The following CCDC192 variants were observed in gnomAD, a reference collection of about 807,000 sequenced individuals.
CCDC192 encodes coiled-coil domain-containing protein 192.
chr5:127,931,309 A>G (rs922969237), intron 6 of CCDC192, among the ~76,000 whole-genome samples: 1 of 152,086 alleles, frequency 6.6e-6, no homozygotes, highest in African/African-American at 2.4e-5. Flanking sequence ...ACCCCTGAAC[A>G]CTCATCATTT....
At chr5:127,832,732 C>T (rs1749858545) in intron 5 of CCDC192, among the ~76,000 whole-genome samples, 1 of 152,074 alleles carries the variant, frequency 6.6e-6, no homozygotes, top group South Asian at 2.1e-4. Context: ...AAGAGCTGAA[C>T]CAAATCACCA....
At chr5:127,913,010 C>A (rs968693210) in intron 6 of CCDC192, among the ~76,000 whole-genome samples, 1 of 152,170 alleles carries the variant, frequency 6.6e-6, no homozygotes, top group Admixed American at 6.5e-5. Context: ...TGACAGCTAG[C>A]TGTATTGTTT....
intron 3 of CCDC192, among the ~76,000 whole-genome samples, chr5:127,792,028 A>G (rs1230549038): frequency 1.3e-5 from 2 of 152,182 alleles, no homozygotes; most frequent in Non-Finnish European, 1.5e-5. Flanking sequence ...GGAACCAAGT[A>G]GTGCTGGGTG....
At chr5:127,854,647 A>G (rs1328015892) in intron 5 of CCDC192, among the ~76,000 whole-genome samples, 1 of 152,156 alleles carries the variant, frequency 6.6e-6, no homozygotes, top group African/African-American at 2.4e-5. Context: ...GACCTCCTTG[A>G]CTGAGCACCA....
intron 5 of CCDC192, among the ~76,000 whole-genome samples, chr5:127,837,969 C>T (rs1394599890): frequency 6.6e-6 from 1 of 152,152 alleles, no homozygotes; most frequent in Non-Finnish European, 1.5e-5. Flanking sequence ...GCACTCCAGC[C>T]TGGTGATAGA....
At chr5:127,784,804 C>T in intron 3 of CCDC192, 1 of 480,534 alleles carries the variant, frequency 2.1e-6, no homozygotes. Flanking sequence ...TCATGATGGC[C>T]ATCTGAATCA....
At chr5:127,832,416 A>C (rs1749841230) in intron 5 of CCDC192, among the ~76,000 whole-genome samples, 1 of 152,214 alleles carries the variant, frequency 6.6e-6, no homozygotes, top group African/African-American at 2.4e-5. Flanking sequence ...CCTGCACCAG[A>C]AGAATCGCTG....
chr5:127,781,747 T>C (rs548227508), intron 3 of CCDC192, among the ~76,000 whole-genome samples: 3 of 152,252 alleles, frequency 2.0e-5, no homozygotes, highest in South Asian at 2.1e-4. Context: ...GAGGTGTCTT[T>C]AGGGTTTTCA....
intron 6 of CCDC192, among the ~76,000 whole-genome samples, chr5:127,897,129 C>G (rs955457900): frequency 1.3e-5 from 2 of 151,236 alleles, no homozygotes; most frequent in African/African-American, 2.4e-5. Context: ...ACCAGACAAG[C>G]AAAATAAATA....
intron 5 of CCDC192, among the ~76,000 whole-genome samples, chr5:127,845,730 T>A (rs576650260): frequency 7.3e-4 from 111 of 152,130 alleles, no homozygotes; most frequent in Middle Eastern, 6.8e-3. Flanking sequence ...GAATGCAATT[T>A]TAAAAAAAAA....
rs1210585530 is a variant in CCDC192 at position 127,925,497 on chromosome 5, T to C, written c.536-15685T>C. ...CTGCCAAGTTAGCTTAGCAGACACA[T>C]CCCTGTCCCTCAGCCCATCCTTGAG... On this transcript the variant is annotated intron_variant, in intron 6 of 6. Transcript: ENST00000514853. Among the ~76,000 whole-genome samples, 6 of 152,328 alleles carry C rather than the reference T, an allele frequency of 3.9e-5. No homozygotes were observed. The East Asian group carries it at 7.7e-4, about 20-fold the overall frequency.
chr5:127,794,727 A>C (rs1048976137), intron 3 of CCDC192, among the ~76,000 whole-genome samples: 7 of 152,198 alleles, frequency 4.6e-5, no homozygotes, highest in African/African-American at 1.7e-4. Context: ...TTTTGAGTGA[A>C]TGAATAAAGG....
At chr5:127,926,710 T>C (rs1561554794) in intron 6 of CCDC192, among the ~76,000 whole-genome samples, 1 of 152,080 alleles carries the variant, frequency 6.6e-6, no homozygotes, top group Non-Finnish European at 1.5e-5. Context: ...GATATCTCAG[T>C]AGGAGTTCAG....
chr5:127,820,857 T>C (rs1254019050), intron 5 of CCDC192, among the ~76,000 whole-genome samples: 1 of 152,194 alleles, frequency 6.6e-6, no homozygotes, highest in African/African-American at 2.4e-5. Context: ...AATCGTAAAC[T>C]AGTGAAATGT....
chr5:127,838,230 G>C (rs1377414423), intron 5 of CCDC192, among the ~76,000 whole-genome samples: 2 of 152,138 alleles, frequency 1.3e-5, no homozygotes, highest in Non-Finnish European at 2.9e-5. Flanking sequence ...CTAGCACAAT[G>C]TCACATATAG....
chr5:127,743,203 C>T (rs532858326), intron 2 of CCDC192, among the ~76,000 whole-genome samples: 1 of 152,020 alleles, frequency 6.6e-6, no homozygotes, highest in African/African-American at 2.4e-5. Flanking sequence ...CATAGTTGGC[C>T]GTGGCTGTGT....
chr5:127,765,072 G>T (rs904942459), intron 3 of CCDC192, among the ~76,000 whole-genome samples: 1 of 152,142 alleles, frequency 6.6e-6, no homozygotes, highest in Non-Finnish European at 1.5e-5. Flanking sequence ...TAGTACAGAG[G>T]TCTTCAAAAT....
chr5:127,823,908 G>A (rs536113933), intron 5 of CCDC192, among the ~76,000 whole-genome samples: 11 of 152,264 alleles, frequency 7.2e-5, no homozygotes, highest in African/African-American at 2.4e-4. Context: ...TTTCTTTGCT[G>A]ATGGAAATCA....
At chr5:127,863,613 C>A (rs1191597538) in intron 5 of CCDC192, among the ~76,000 whole-genome samples, 1 of 152,150 alleles carries the variant, frequency 6.6e-6, no homozygotes, top group Non-Finnish European at 1.5e-5. Flanking sequence ...TGAAAACTTT[C>A]TGGAAATTGG....
Sources: gnomAD v4.1 joint callset for allele counts (sites outside exome capture counted in the v4.1 genomes callset) on GRCh38, gnomAD v4.1.1 for gene constraint, MANE v1.5 for transcripts, NCBI Gene and HGNC (gene_info 2026-07-23, HGNC 2026-07-21) for gene names.